Variants in ATP13A4 observed in about 807,000 individuals in gnomAD.
ATP13A4 encodes the protein ATPase 13A4.
ATP13A4 carries 114 observed loss-of-function variants against 142.5 expected under a neutral mutation model. The observed-to-expected ratio is 0.80, with a 90% confidence interval of 0.69 to 0.93. The LOEUF (loss-of-function observed/expected upper bound fraction) is 0.93, where lower values mean the gene tolerates loss of function less well. Ranked by LOEUF, ATP13A4 falls within the 40% of genes least tolerant of loss-of-function variation. The pLI is 0.00. For synonymous variants in ATP13A4, 488 were observed against 514.8 expected (o/e 0.95, Z 0.70); for missense variants, 1,392 against 1,454.0 (o/e 0.96, Z 0.69).
exon 1 of ATP13A4, chr3:193,593,086 T>G: frequency 2.6e-6 from 1 of 389,592 alleles, no homozygotes; most frequent in Non-Finnish European, 4.6e-6. Context: ...AGGCGATGGA[T>G]TGCTCCAGTC....
At chr3:193,548,982 C>G (rs1046170104) in intron 1 of ATP13A4, among the ~76,000 whole-genome samples, 15 of 152,210 alleles carry the variant, frequency 9.9e-5, no homozygotes, top group African/African-American at 3.6e-4. Context: ...AAGATGTGTT[C>G]AACTTCAAAT....
At chr3:193,479,777 C>A (rs1719185021) in intron 8 of ATP13A4, among the ~76,000 whole-genome samples, 1 of 152,102 alleles carries the variant, frequency 6.6e-6, no homozygotes, top group African/African-American at 2.4e-5. Flanking sequence ...TCCTAAAATT[C>A]ATATGGAGCC....
intron 9 of ATP13A4, among the ~76,000 whole-genome samples, chr3:193,470,516 T>G (rs1306565697): frequency 6.6e-6 from 1 of 152,170 alleles, no homozygotes; most frequent in African/African-American, 2.4e-5. Flanking sequence ...TTAAAATAAA[T>G]AAACATAAAA....
chr3:193,418,247 G>GA (rs1662956850), intron 25 of ATP13A4, among the ~76,000 whole-genome samples: 1 of 142,030 alleles, frequency 7.0e-6, no homozygotes, highest in Non-Finnish European at 1.5e-5. Context: ...AACCCCGAGG[G>GA]GCCAGAGCCT....
rs1445407040 is a variant in ATP13A4, at chr3:193,467,470, G to A, written c.960C>T (p.Val320=). Residue 320 remains valine, a synonymous_variant, in exon 10 of 30, where the codon GTC becomes GTT. Transcript: ENST00000342695. ...EGMLTGESIP[V]TKTPLPKMDS... ...CCATCTTGGGTAACGGAGTTTTGGTGACTGGAATACTTTCTCCTACAGAAA... is the reference window on the plus strand; with the variant it reads ...CCATCTTGGGTAACGGAGTTTTGGTAACTGGAATACTTTCTCCTACAGAAA... 6.2e-7 allele frequency: 1 copy of A among 1,613,566 alleles called. No homozygotes were observed. The highest frequency in any genetic ancestry group is 2.2e-5 in the East Asian group (1 of 44,866).
intron 1 of ATP13A4, among the ~76,000 whole-genome samples, chr3:193,582,661 T>A (rs1312622034): frequency 1.2e-3 from 76 of 63,674 alleles, no homozygotes; most frequent in East Asian, 1.4e-3. Context: ...ACATACATTA[T>A]ATATGTATAT....
At chr3:193,504,689 G>A (rs935336180) in intron 2 of ATP13A4, among the ~76,000 whole-genome samples, 1 of 152,036 alleles carries the variant, frequency 6.6e-6, no homozygotes, top group Admixed American at 6.6e-5. Context: ...TTTATGTCGA[G>A]CCTGAACTGG....
Position 193,435,683 on chromosome 3 carries a change from T to A in ATP13A4, c.2734A>T (p.Met912Leu). The A allele has an allele frequency of 6.2e-7, 1 of 1,614,076 alleles. No individual in the cohort carries two copies. Among genetic ancestry groups the A allele is most frequent in the Non-Finnish European group, 8.5e-7 (1 of 1,179,984 alleles). Residue 912 changes from methionine (M) to leucine (L), a missense_variant, in exon 24 of 30, where the codon ATG becomes TTG. By Grantham distance (15) the Met-to-Leu change is conservative (BLOSUM62 2). Coordinates refer to ENST00000342695, the MANE Select transcript of ATP13A4 (RefSeq NM_032279.4). The stretch of plus-strand genomic sequence containing the variant: ...AGCAGAACACCAACATACTGAATCA[T>A]GCTGTACAGAGCCATGTACTTAAAC... The part of the protein sequence containing the change: ...CMFKYMALYS[M>L]IQYVGVLLLY...
At chr3:193,553,613 A>G (rs1453511657) in intron 1 of ATP13A4, 1 of 152,252 alleles carries the variant, frequency 6.6e-6, no homozygotes, top group Non-Finnish European at 1.5e-5. Context: ...GCTGAAGGCA[A>G]TTCATTTGGC....
intron 3 of ATP13A4, among the ~76,000 whole-genome samples, chr3:193,496,229 A>G (rs73063917): frequency 0.014 from 2,148 of 152,288 alleles, 63 homozygotes; most frequent in African/African-American, 0.05. Flanking sequence ...CAATCCTAAA[A>G]TTTGTATGAA....
chr3:193,555,047 G>A, upstream of ATP13A4: 2 of 896,288 alleles, frequency 2.2e-6, no homozygotes, highest in Non-Finnish European at 3.2e-6. Context: ...CATTCTCTCA[G>A]AGCAGCTGTC....
chr3:193,511,140 A>G (rs910084851), intron 2 of ATP13A4, among the ~76,000 whole-genome samples: 1 of 152,164 alleles, frequency 6.6e-6, no homozygotes, highest in African/African-American at 2.4e-5. Context: ...GACACACAAG[A>G]GCAGGCAATT....
chr3:193,488,076 C>T (rs188229915), intron 7 of ATP13A4, among the ~76,000 whole-genome samples: 1 of 152,164 alleles, frequency 6.6e-6, no homozygotes, highest in East Asian at 1.9e-4. Flanking sequence ...CCATCCAGAC[C>T]AACATGGTGA....
chr3:193,484,409 GA>G (rs1719488975), intron 7 of ATP13A4, among the ~76,000 whole-genome samples: 1 of 151,996 alleles, frequency 6.6e-6, no homozygotes, highest in Non-Finnish European at 1.5e-5. Flanking sequence ...TCTAATACAT[GA>G]AATATGTGGG....
intron 17 of ATP13A4, 139 bp downstream of exon 17, chr3:193,453,962 C>T: frequency 2.7e-6 from 2 of 730,412 alleles, no homozygotes; most frequent in South Asian, 3.0e-5. Flanking sequence ...ACATGTTATG[C>T]ACACAAATTC....
chr3:193,497,585 A>G (rs932746119), intron 3 of ATP13A4, among the ~76,000 whole-genome samples: 1 of 152,214 alleles, frequency 6.6e-6, no homozygotes, highest in Non-Finnish European at 1.5e-5. Flanking sequence ...AAAGGAAAAG[A>G]AATCAGTATG....
chr3:193,504,292 G>A (rs748777298), intron 2 of ATP13A4, among the ~76,000 whole-genome samples: 1 of 152,130 alleles, frequency 6.6e-6, no homozygotes, highest in Non-Finnish European at 1.5e-5. Flanking sequence ...CATGGTCTAG[G>A]TATGGTAGAG....
At chr3:193,465,194 C>CTTTTTTTTTTT in intron 11 of ATP13A4, 66 bp from the exon 12 acceptor site, 2 of 1,296,054 alleles carry the variant, frequency 1.5e-6, no homozygotes. Flanking sequence ...GACTCTTTGC[C>CTTTTTTTTTTT]TTTTTTTTTT....
chr3:193,454,154 T>A lies in ATP13A4; in HGVS notation c.1974A>T (p.Ile658=), dbSNP rs754954337. 118 of 1,614,072 alleles carry A rather than the reference T, an allele frequency of 7.3e-5. No individual in the cohort carries two copies. The Admixed American group carries it at 1.9e-3, about 26-fold the overall frequency. The change falls in exon 17 of 30, where the codon ATA becomes ATT. Residue 658 remains isoleucine, a synonymous_variant. Coordinates refer to ENST00000342695, the MANE Select transcript of ATP13A4 (RefSeq NM_032279.4). The part of the protein sequence containing the change: ...QIYTTQGFRV[I]ALAYKKLEND... ...TTTCCAGCTTCTTGTAGGCCAGTGC[T>A]ATGACTCGGAAGCCCTGTGTCGTGT...
Sources: allele counts gnomAD v4.1 joint callset (sites outside exome capture counted in the v4.1 genomes callset), GRCh38; gene constraint gnomAD v4.1.1; transcripts MANE v1.5; gene names NCBI Gene and HGNC (gene_info 2026-07-23, HGNC 2026-07-21).